Variants in CSMD1 observed in about 807,000 individuals in gnomAD.
CSMD1 encodes CUB and sushi domain-containing protein 1.
Under a neutral mutation model 417.5 loss-of-function variants are expected in CSMD1, and 213 were observed. That is an observed-to-expected ratio of 0.51 (90% confidence interval 0.46 to 0.57). The LOEUF is 0.57. Ranked by LOEUF, CSMD1 falls within the 20% of genes least tolerant of loss-of-function variation. The pLI, the probability that CSMD1 is intolerant of heterozygous loss-of-function variation, is 0.00. For missense variants in CSMD1, 6,923 were observed against 4,529.7 expected (o/e 1.53, Z -15.17); for synonymous variants, 2,862 against 1,736.8 (o/e 1.65, Z -16.11).
intron 3 of CSMD1, among the ~76,000 whole-genome samples, chr8:4,329,501 C>G (rs534934591): frequency 8.5e-4 from 129 of 152,236 alleles, no homozygotes; most frequent in African/African-American, 2.7e-3. Context: ...TTGGCCAGGC[C>G]AGTCTCAAAC....
intron 3 of CSMD1, among the ~76,000 whole-genome samples, chr8:4,211,965 C>G (rs1028093208): frequency 1.3e-5 from 2 of 152,100 alleles, no homozygotes; most frequent in Non-Finnish European, 2.9e-5. Flanking sequence ...ATCTTAGAGA[C>G]ATTTTTAGCA....
intron 7 of CSMD1, among the ~76,000 whole-genome samples, chr8:3,694,250 C>T: frequency 6.6e-6 from 1 of 152,080 alleles, no homozygotes; most frequent in African/African-American, 2.4e-5. Flanking sequence ...TCATGGAGTC[C>T]AGGAAGAGCC....
At chr8:3,206,626 GGTTATGTC>G (rs1797304698) in intron 30 of CSMD1, among the ~76,000 whole-genome samples, 2 of 140,710 alleles carry the variant, frequency 1.4e-5, no homozygotes, top group African/African-American at 5.4e-5. Context: ...GTGTGTGTGG[GGTTATGTC>G]TGTGTGTGTG....
chr8:3,722,795 G>T (rs184724671), intron 6 of CSMD1, among the ~76,000 whole-genome samples: 22 of 152,336 alleles, frequency 1.4e-4, no homozygotes, highest in African/African-American at 4.3e-4. Context: ...CACTTCTGCT[G>T]TGTAACAAGG....
At position 3,091,589 on chromosome 8, in the gene CSMD1, C is replaced by A; in HGVS notation, c.7212G>T (p.Arg2404Ser). Residue 2404 changes from arginine (R) to serine (S), a missense_variant, in exon 48 of 70, where the codon AGG becomes AGT. Arg to Ser is a moderately radical substitution (Grantham distance 110). Transcript: ENST00000635120. ...ACCAGCGGAGATATAACTGATTACT[C>A]CTGCTTGTAAAATTTGATTGTTCAG... is the stretch of plus-strand genomic sequence containing the variant. Reference protein sequence around the residue: ...NHTEQSNFTSRSNQLYLRWST... With the variant: ...NHTEQSNFTSSSNQLYLRWST... 2 of 1,611,382 alleles carry A rather than the reference C, an allele frequency of 1.2e-6. No homozygotes were observed. Among genetic ancestry groups the A allele is most frequent in the Non-Finnish European group, 1.7e-6 (2 of 1,179,310 alleles).
chr8:3,962,160 G>T (rs1360221887), intron 5 of CSMD1, among the ~76,000 whole-genome samples: 2 of 152,088 alleles, frequency 1.3e-5, no homozygotes, highest in Non-Finnish European at 2.9e-5. Flanking sequence ...CTACTTCATA[G>T]ACCTGCTCTG....
chr8:3,925,578 C>A (rs558219190), intron 5 of CSMD1, among the ~76,000 whole-genome samples: 3 of 152,128 alleles, frequency 2.0e-5, no homozygotes, highest in African/African-American at 4.8e-5. Flanking sequence ...GTAACTGAAT[C>A]GTGGAGACCA....
intron 1 of CSMD1, among the ~76,000 whole-genome samples, chr8:4,669,421 G>T (rs1805153780): frequency 6.6e-6 from 1 of 152,150 alleles, no homozygotes; most frequent in Non-Finnish European, 1.5e-5. Context: ...GAAAATAGTT[G>T]TAGTTTTGTT....
chr8:4,225,732 C>A (rs957506077), intron 3 of CSMD1, among the ~76,000 whole-genome samples: 1 of 152,022 alleles, frequency 6.6e-6, no homozygotes, highest in Admixed American at 6.6e-5. Flanking sequence ...CACAACATGG[C>A]GGCTTCTGAG....
At chr8:3,772,510 TATATAC>T (rs1798655706) in intron 5 of CSMD1, among the ~76,000 whole-genome samples, 1 of 93,936 alleles carries the variant, frequency 1.1e-5, no homozygotes, top group Non-Finnish European at 2.1e-5. Flanking sequence ...TATATACACA[TATATAC>T]ATATATACAC....
At chr8:3,274,312 T>C (rs1802098841) in intron 26 of CSMD1, among the ~76,000 whole-genome samples, 1 of 152,214 alleles carries the variant, frequency 6.6e-6, no homozygotes, top group African/African-American at 2.4e-5. Flanking sequence ...ACAATTTCTG[T>C]TCTTTTATAT....
chr8:3,285,348 G>T (rs1014004079), intron 25 of CSMD1, among the ~76,000 whole-genome samples: 4 of 151,626 alleles, frequency 2.6e-5, no homozygotes, highest in Non-Finnish European at 4.4e-5. Context: ...GCAGATAGTA[G>T]ATCTTTATTT....
chr8:3,945,840 A>T lies in CSMD1; in HGVS notation c.818+52063T>A, dbSNP rs117097452. Among the ~76,000 whole-genome samples the T allele has an allele frequency of 6.9e-3, 1,054 of 152,236 alleles. 9 individuals carry two copies. Among genetic ancestry groups the T allele is most frequent in the Non-Finnish European group, 0.01 (699 of 67,968 alleles). On this transcript the variant is annotated intron_variant, in intron 5 of 69. Coordinates refer to ENST00000635120, the MANE Select transcript of CSMD1 (RefSeq NM_033225.6). ...ACACATGAGGTAGTATAAAAGGTAA[A>T]TATTGATTGTAGTGAATCATTATTC...
chr8:4,906,844 C>G (rs986544819), intron 1 of CSMD1, among the ~76,000 whole-genome samples: 3 of 152,186 alleles, frequency 2.0e-5, no homozygotes, highest in African/African-American at 7.2e-5. Context: ...AGGCGTGAGC[C>G]GCTGCCCCCG....
intron 23 of CSMD1, among the ~76,000 whole-genome samples, chr8:3,338,504 G>A (rs1231275363): frequency 6.6e-6 from 1 of 152,232 alleles, no homozygotes; most frequent in African/African-American, 2.4e-5. Flanking sequence ...CAGCAGGGAT[G>A]AGAAATCTGG....
intron 5 of CSMD1, among the ~76,000 whole-genome samples, chr8:3,797,587 G>A (rs534056527): frequency 3.4e-4 from 52 of 151,922 alleles, no homozygotes; most frequent in African/African-American, 1.2e-3. Context: ...ATTCACAAAT[G>A]TTTTATGTTT....
intron 9 of CSMD1, among the ~76,000 whole-genome samples, chr8:3,579,883 T>A (rs1584916276): frequency 6.6e-6 from 1 of 152,128 alleles, no homozygotes. Flanking sequence ...GCGGGTGGAT[T>A]ACCTGAGGTC....
At chr8:4,014,054 C>G (rs932935310) in intron 4 of CSMD1, among the ~76,000 whole-genome samples, 1 of 152,080 alleles carries the variant, frequency 6.6e-6, no homozygotes, top group Non-Finnish European at 1.5e-5. Flanking sequence ...TATTGGAAAT[C>G]AAAGGCAATA....
intron 1 of CSMD1, among the ~76,000 whole-genome samples, chr8:4,953,463 C>T (rs1420505893): frequency 6.6e-6 from 1 of 152,064 alleles, no homozygotes; most frequent in African/African-American, 2.4e-5. Context: ...TAAATAATTG[C>T]TTTATAAGGA....
Sources: gnomAD v4.1 joint callset for allele counts (sites outside exome capture counted in the v4.1 genomes callset) on GRCh38, gnomAD v4.1.1 for gene constraint, MANE v1.5 for transcripts, NCBI Gene and HGNC (gene_info 2026-07-23, HGNC 2026-07-21) for gene names.